Variants in CNTNAP3B observed in about 807,000 individuals in gnomAD.
CNTNAP3B encodes contactin associated protein family member 3B.
CNTNAP3B carries 25 observed loss-of-function variants against 108.9 expected under a neutral mutation model. That is an observed-to-expected ratio of 0.23 (90% CI 0.17 to 0.32). The LOEUF (loss-of-function observed/expected upper bound fraction) is 0.32, where lower values mean the gene tolerates loss of function less well. CNTNAP3B is among the 10% of genes least tolerant of loss of function. The pLI, the probability that CNTNAP3B is intolerant of heterozygous loss-of-function variation, is 1.00. For missense variants in CNTNAP3B, 252 were observed against 1,210.4 expected (o/e 0.21, Z 11.75); for synonymous variants, 103 against 473.4 (o/e 0.22, Z 10.16).
intron 3 of CNTNAP3B, among the ~76,000 whole-genome samples, chr9:42,054,080 C>T (rs1206230398): frequency 2.0e-5 from 3 of 149,838 alleles, no homozygotes; most frequent in Admixed American, 6.6e-5. Flanking sequence ...TTAAGCTTTA[C>T]ATCATTCTGC....
In CNTNAP3B at chr9:41,975,228, G is replaced by A. The variant is rs147615560; in HGVS notation, c.1478-4983C>T. On this transcript the variant is annotated intron_variant, in intron 9 of 23. Transcript: ENST00000377561. ...CGCCGCAGAGAAAGATGCATTGAAA[G>A]GTCAGGTACAAATCCACTGACTGAA... 261 of 180,574 alleles carry A rather than the reference G, an allele frequency of 1.4e-3. 43 individuals are homozygous for A. In the East Asian group the frequency reaches 0.037, roughly 26 times the overall value. 11.2% of individuals were successfully genotyped at this position (180,574 alleles called of 1,614,324 possible). A position where few individuals can be genotyped will look rare whatever the true frequency, so the allele number is the denominator to read the frequency against.
chr9:42,108,756 G>T lies in CNTNAP3B; in HGVS notation c.86-4017C>A, dbSNP rs529356093. On this transcript the variant is annotated intron_variant, in intron 1 of 23. Transcript: ENST00000377561. ...TAGGTTCCTCTCTCCCCACTCTATG[G>T]TCTTGATTTGTCCCCTGACCCCTGC... 5.1e-5 allele frequency among the ~76,000 whole-genome samples: 7 copies of T among 137,142 alleles called. No homozygotes were observed. The South Asian group carries it at 1.7e-3, about 33-fold the overall frequency. 90.0% of individuals were successfully genotyped at this position (137,142 alleles called of 152,430 possible).
At chr9:42,079,562 A>C (rs1278605821) in intron 2 of CNTNAP3B, among the ~76,000 whole-genome samples, 1 of 129,234 alleles carries the variant, frequency 7.7e-6, no homozygotes, top group Non-Finnish European at 1.6e-5. Context: ...TCACTCTGTC[A>C]CCAGCCTGGA....
chr9:41,927,771 G>A (rs566503085), intron 15 of CNTNAP3B, among the ~76,000 whole-genome samples: 89 of 152,248 alleles, frequency 5.8e-4, no homozygotes, highest in Middle Eastern at 3.4e-3. Context: ...CAGAGAAATC[G>A]GAAATATCTG....
intron 1 of CNTNAP3B, among the ~76,000 whole-genome samples, chr9:42,128,532 C>G (rs561464999): frequency 1.5e-5 from 2 of 137,600 alleles, no homozygotes; most frequent in South Asian, 4.7e-4. Context: ...TGTCCCTATA[C>G]TGCGTGGAAG....
At chr9:41,961,142 C>T (rs1181789492) in intron 11 of CNTNAP3B, among the ~76,000 whole-genome samples, 4 of 152,424 alleles carry the variant, frequency 2.6e-5, no homozygotes, top group Admixed American at 2.0e-4. Flanking sequence ...TTGTTAGATG[C>T]TGAATAAATA....
chr9:41,977,461 C>G (rs1456604078), intron 9 of CNTNAP3B, among the ~76,000 whole-genome samples: 1 of 140,038 alleles, frequency 7.1e-6, no homozygotes, highest in Non-Finnish European at 1.5e-5. Context: ...ATATGCACAC[C>G]TCGGAATATG....
At chr9:41,962,570 C>T (rs1348896861) in intron 11 of CNTNAP3B, among the ~76,000 whole-genome samples, 5 of 145,224 alleles carry the variant, frequency 3.4e-5, no homozygotes, top group African/African-American at 5.3e-5. Context: ...ATGAAAGATA[C>T]ACAGAAGTAA....
rs557039247 is a variant in CNTNAP3B at position 42,021,716 on chromosome 9, G to T, written c.391-8191C>A. ...ATAAGACTTGCTCGTGGCTTATCCG[G>T]CAGTGTGCTAGAAATTTTCTGTCTA... On this transcript the variant is annotated intron_variant, in intron 3 of 23. Coordinates refer to ENST00000377561, the MANE Select transcript of CNTNAP3B (RefSeq NM_001201380.3). 2.6e-3 allele frequency among the ~76,000 whole-genome samples: 279 copies of T among 109,362 alleles called. 1 individual carries two copies. Among genetic ancestry groups the T allele is most frequent in the Non-Finnish European group, 4.5e-3 (248 of 54,862 alleles). The allele number at this position is 109,362 out of a possible 152,430, so 71.7% of individuals were successfully genotyped here.
chr9:41,944,916 T>A (rs1053021075), intron 13 of CNTNAP3B, among the ~76,000 whole-genome samples: 2 of 152,260 alleles, frequency 1.3e-5, no homozygotes, highest in Non-Finnish European at 2.9e-5. Flanking sequence ...CTTAAACAAA[T>A]TTACAAGAAA....
intron 2 of CNTNAP3B, among the ~76,000 whole-genome samples, chr9:42,103,296 AAT>A (rs1212277236): frequency 6.7e-6 from 1 of 149,174 alleles, no homozygotes; most frequent in Non-Finnish European, 1.5e-5. Context: ...TGAAAAGTTA[AAT>A]TGTTCATGTT....
intron 15 of CNTNAP3B, among the ~76,000 whole-genome samples, chr9:41,925,013 C>T (rs1449557618): frequency 5.9e-5 from 9 of 151,602 alleles, no homozygotes; most frequent in Non-Finnish European, 7.4e-5. Flanking sequence ...CAGCAGGCAG[C>T]AATGCTGATA....
At chr9:42,042,190 C>G (rs1826775696) in intron 3 of CNTNAP3B, among the ~76,000 whole-genome samples, 2 of 122,758 alleles carry the variant, frequency 1.6e-5, no homozygotes, top group South Asian at 5.2e-4. Context: ...ATGTAACAAA[C>G]CTGCTACGTT....
At chr9:42,007,704 A>G (rs1370106067) in intron 4 of CNTNAP3B, among the ~76,000 whole-genome samples, 1 of 137,750 alleles carries the variant, frequency 7.3e-6, no homozygotes, top group Non-Finnish European at 1.5e-5. Context: ...CGGCATAGCT[A>G]TACAGTACTA....
intron 9 of CNTNAP3B, among the ~76,000 whole-genome samples, chr9:41,981,892 C>CAATAATAATAATAATAAT (rs1554746914): frequency 3.5e-4 from 12 of 34,306 alleles, no homozygotes; most frequent in Non-Finnish European, 4.7e-4. Flanking sequence ...TCTCTACAAA[C>CAATAATAATAATAATAAT]AATAATAATA....
At chr9:42,111,596 A>C (rs1828194172) in intron 1 of CNTNAP3B, among the ~76,000 whole-genome samples, 1 of 138,390 alleles carries the variant, frequency 7.2e-6, no homozygotes, top group South Asian at 2.3e-4. Flanking sequence ...TGATTGCCTA[A>C]ATTCAGCCTG....
chr9:42,125,199 C>T lies in CNTNAP3B; in HGVS notation c.85+3811G>A, dbSNP rs879381655. On this transcript the variant is annotated intron_variant, in intron 1 of 23. Coordinates refer to ENST00000377561, the MANE Select transcript of CNTNAP3B (RefSeq NM_001201380.3). ...ATCTTGTTCAAGTTTCACCAATTCC[C>T]AATCATGTCCTTTATAACATAAGCA... is the stretch of plus-strand genomic sequence containing the variant. 4.2e-3 allele frequency among the ~76,000 whole-genome samples: 583 copies of T among 137,418 alleles called. 9 individuals carry two copies. The highest frequency in any genetic ancestry group is 6.5e-3 in the Non-Finnish European group (419 of 64,470). 90.2% of individuals were successfully genotyped at this position (137,418 alleles called of 152,430 possible). A position where few individuals can be genotyped will look rare whatever the true frequency, so the allele number is the denominator to read the frequency against.
chr9:42,067,103 G>C (rs1161091183), intron 3 of CNTNAP3B, among the ~76,000 whole-genome samples: 1 of 151,578 alleles, frequency 6.6e-6, no homozygotes, highest in Admixed American at 6.6e-5. Flanking sequence ...TCTCTGAATA[G>C]AAACTTTAGT....
intron 13 of CNTNAP3B, among the ~76,000 whole-genome samples, chr9:41,944,240 A>T (rs1196232171): frequency 4.1e-5 from 6 of 147,634 alleles, no homozygotes; most frequent in Non-Finnish European, 7.4e-5. Context: ...ACAGAAATAC[A>T]TAAAGAAAGG....
Sources: allele counts gnomAD v4.1 joint callset (sites outside exome capture counted in the v4.1 genomes callset), GRCh38; gene constraint gnomAD v4.1.1; transcripts MANE v1.5; gene names NCBI Gene and HGNC (gene_info 2026-07-23, HGNC 2026-07-21).